BLTP1: variants seen among roughly 807,000 people sequenced by gnomAD.
BLTP1 encodes the protein bridge-like lipid transfer protein family member 1, also known as fragile site-associated protein.
chr4:122,185,968 T>C, the BLTP1 span: 1 of 1,254,894 alleles, frequency 8.0e-7, no homozygotes, highest in Admixed American at 2.5e-5. Flanking sequence ...TGTATAAAAA[T>C]GTTTGAGTAA....
At chr4:122,335,935 C>T in the BLTP1 span, among the ~76,000 whole-genome samples, 2 of 151,950 alleles carry the variant, frequency 1.3e-5, no homozygotes, top group Non-Finnish European at 2.9e-5. Context: ...GAGAGTCTAA[C>T]CAAAATATAA....
chr4:122,271,043 C>G, the BLTP1 span: 3 of 1,609,852 alleles, frequency 1.9e-6, no homozygotes, highest in Non-Finnish European at 2.5e-6. Context: ...TCTTCCTCCA[C>G]TTGAGTTCAA....
chr4:122,254,527 T>A, the BLTP1 span: 1 of 936,778 alleles, frequency 1.1e-6, no homozygotes, highest in Middle Eastern at 5.5e-4. Context: ...TTTGACCCAA[T>A]TTCTTTCATA....
the BLTP1 span, among the ~76,000 whole-genome samples, chr4:122,201,506 A>G: frequency 0.037 from 5,599 of 152,258 alleles, 354 homozygotes; most frequent in East Asian, 0.23. Context: ...GTATACGCAA[A>G]TAGCTAAATG....
the BLTP1 span, chr4:122,334,453 G>A: frequency 3.1e-6 from 5 of 1,612,838 alleles, no homozygotes; most frequent in Non-Finnish European, 4.2e-6. Flanking sequence ...ATGAAAGATA[G>A]TGCAACATCT....
At chr4:122,243,724 A>C in the BLTP1 span, 1 of 1,201,050 alleles carries the variant, frequency 8.3e-7, no homozygotes, top group South Asian at 2.7e-5. Context: ...CTCAAAGAAA[A>C]AAAAAAAGTC....
chr4:122,180,042 A>G, the BLTP1 span: 3 of 867,228 alleles, frequency 3.5e-6, no homozygotes, highest in Non-Finnish European at 2.6e-6. Flanking sequence ...ACACACACAC[A>G]CATACACACA....
the BLTP1 span, chr4:122,188,397 C>T: frequency 5.0e-6 from 1 of 200,768 alleles, no homozygotes; most frequent in Non-Finnish European, 8.9e-6. Context: ...AGGAGATACA[C>T]ATTACAGGTA....
the BLTP1 span, chr4:122,236,911 A>T: frequency 4.1e-6 from 4 of 985,308 alleles, no homozygotes; most frequent in Non-Finnish European, 4.8e-6. Context: ...CTGATTGTTG[A>T]GTCTTCCAGG....
chr4:122,359,331 A>G, the BLTP1 span: 10 of 974,846 alleles, frequency 1.0e-5, no homozygotes, highest in Non-Finnish European at 1.2e-5. Flanking sequence ...CTTGCTATCA[A>G]GTCAATGATC....
chr4:122,216,131 C>G, the BLTP1 span, among the ~76,000 whole-genome samples: 3 of 150,646 alleles, frequency 2.0e-5, no homozygotes, highest in African/African-American at 7.4e-5. Context: ...ATCTATCTAT[C>G]TATCTATCTA....
chr4:122,227,064 A>T, the BLTP1 span: 1 of 541,578 alleles, frequency 1.8e-6, no homozygotes, highest in Non-Finnish European at 2.6e-6. Context: ...TATAAAAATT[A>T]TATTTTGCTT....
chr4:122,237,988 A>G, the BLTP1 span: 2 of 1,303,624 alleles, frequency 1.5e-6, no homozygotes, highest in Non-Finnish European at 2.0e-6. Flanking sequence ...TCTCAAAAAA[A>G]AAAAAAAAAA....
At chr4:122,342,338 T>TTTTA in the BLTP1 span, among the ~76,000 whole-genome samples, 2 of 151,352 alleles carry the variant, frequency 1.3e-5, no homozygotes, top group African/African-American at 4.9e-5. Flanking sequence ...GCTATTTTCT[T>TTTTA]TTTATTTATT....
chr4:122,180,018 G>A, the BLTP1 span: 2 of 951,182 alleles, frequency 2.1e-6, no homozygotes, highest in Non-Finnish European at 2.4e-6. Context: ...TCATATACAC[G>A]TGCATGTACA....
chr4:122,295,488 C>G, the BLTP1 span, among the ~76,000 whole-genome samples: 5 of 152,110 alleles, frequency 3.3e-5, no homozygotes, highest in South Asian at 6.2e-4. Flanking sequence ...CATTTCCAAC[C>G]TAGAATTTCA....
chr4:122,292,796 T>C, the BLTP1 span: 75 of 184,150 alleles, frequency 4.1e-4, no homozygotes, highest in South Asian at 0.013. Flanking sequence ...CACATCGAAG[T>C]TATTTAAAAG....
At chr4:122,226,302 C>T in the BLTP1 span, 1 of 652,736 alleles carries the variant, frequency 1.5e-6, no homozygotes, top group Non-Finnish European at 1.9e-6. Context: ...AACTGTAGCT[C>T]AATGTGATAT....
At chr4:122,206,329 A>G in the BLTP1 span, among the ~76,000 whole-genome samples, 1 of 151,966 alleles carries the variant, frequency 6.6e-6, no homozygotes, top group Admixed American at 6.6e-5. Flanking sequence ...TTAAATGTCA[A>G]GTAAAACAAA....
Sources: gnomAD v4.1 joint callset for allele counts (sites outside exome capture counted in the v4.1 genomes callset) on GRCh38, gnomAD v4.1.1 for gene constraint, MANE v1.5 for transcripts, NCBI Gene and HGNC (gene_info 2026-07-23, HGNC 2026-07-21) for gene names.